The following SPAG17 variants were observed in gnomAD, a reference collection of about 807,000 sequenced individuals.
The protein encoded by SPAG17 is sperm associated antigen 17.
In SPAG17, 169 loss-of-function variants were observed where a neutral mutation model predicts 273.6. The observed-to-expected ratio is 0.62, with a 90% CI of 0.55 to 0.70. The LOEUF is 0.70. Ranked by LOEUF, SPAG17 falls within the 30% of genes least tolerant of loss-of-function variation. SPAG17 has a pLI of 0.00. For missense variants in SPAG17, 2,557 were observed against 2,627.8 expected, an observed-to-expected ratio of 0.97 and a Z score of 0.59; for synonymous variants, 825 against 873.2, an observed-to-expected ratio of 0.94 and a Z score of 0.97.
chr1:117,994,283 C>T (rs1657418189), intron 35 of SPAG17, 123 bp downstream of exon 35: 2 of 1,047,526 alleles, frequency 1.9e-6, no homozygotes, highest in African/African-American at 1.6e-5. Context: ...TCCTTGAGCA[C>T]ATTAAAAATT....
chr1:118,145,727 T>C (rs565810876), intron 3 of SPAG17, among the ~76,000 whole-genome samples: 2 of 151,922 alleles, frequency 1.3e-5, no homozygotes, highest in Non-Finnish European at 2.9e-5. Flanking sequence ...AAAAAAAAAA[T>C]TAATAATTAT....
intron 4 of SPAG17, among the ~76,000 whole-genome samples, chr1:118,102,893 T>A (rs985856503): frequency 6.6e-5 from 10 of 152,230 alleles, no homozygotes; most frequent in African/African-American, 2.4e-4. Context: ...TTCTGGATGT[T>A]AAGGGCTCTT....
At chr1:118,027,234 C>T (rs1044721789) in intron 26 of SPAG17, among the ~76,000 whole-genome samples, 1 of 152,068 alleles carries the variant, frequency 6.6e-6, no homozygotes, top group Non-Finnish European at 1.5e-5. Flanking sequence ...ACTAGGGATG[C>T]TTGGGAAGGG....
chr1:118,156,438 T>C (rs1659653706), intron 1 of SPAG17, among the ~76,000 whole-genome samples: 1 of 152,170 alleles, frequency 6.6e-6, no homozygotes, highest in Non-Finnish European at 1.5e-5. Flanking sequence ...AACTGCAGGG[T>C]ATTCAGTCCA....
intron 12 of SPAG17, among the ~76,000 whole-genome samples, chr1:118,086,407 A>G (rs1196818335): frequency 6.6e-6 from 1 of 152,194 alleles, no homozygotes; most frequent in Non-Finnish European, 1.5e-5. Context: ...AATAATTATA[A>G]GGTTTTAATG....
chr1:117,992,641 GT>G lies in SPAG17; in HGVS notation c.5185del (p.Thr1729LeufsTer21), dbSNP rs1400383672. The G allele has an allele frequency of 6.3e-7, 1 of 1,585,270 alleles. No homozygotes were observed. Among genetic ancestry groups the G allele is most frequent in the Non-Finnish European group, 8.5e-7 (1 of 1,170,412 alleles). ...CTGAGTACCAAACGGAGGTCCTGGA[GT>G]TTTTTTCTGTTAACAAAACAAAGCA... ...WETFPSVEKK[T>X]PGPPFGTQIW... On this transcript the variant is annotated frameshift_variant, in exon 36 of 49. Transcript: ENST00000336338. LOFTEE classifies it high-confidence loss of function.
chr1:118,003,240 C>T (rs1161237979), intron 32 of SPAG17, among the ~76,000 whole-genome samples: 1 of 152,196 alleles, frequency 6.6e-6, no homozygotes, highest in Non-Finnish European at 1.5e-5. Flanking sequence ...CGACCTTTCT[C>T]TCTGGCTGCC....
intron 18 of SPAG17, among the ~76,000 whole-genome samples, chr1:118,062,691 G>C (rs1652467632): frequency 6.6e-6 from 1 of 151,836 alleles, no homozygotes; most frequent in African/African-American, 2.4e-5. Flanking sequence ...TTTTAAAAAT[G>C]TTTTTTCCCA....
Position 118,054,052 on chromosome 1 carries a change from T to C in SPAG17, c.2764A>G (p.Lys922Glu). The part of the protein sequence containing the change: ...ISKTEISDQE[K>E]EKEKEKIPFI... Reference sequence around the variant, plus strand: ...GGAATCTTTTCCTTCTCTTTTTCTTTTTCTTGATCTGATATCTCTGTTTTG... The same window carrying C: ...GGAATCTTTTCCTTCTCTTTTTCTTCTTCTTGATCTGATATCTCTGTTTTG... The change falls in exon 20 of 49, where the codon AAA becomes GAA. Residue 922 changes from lysine (K) to glutamate (E), a missense_variant. Coordinates refer to ENST00000336338, the MANE Select transcript of SPAG17 (RefSeq NM_206996.4). 1 of 1,608,468 alleles carries C rather than the reference T, an allele frequency of 6.2e-7. No individual in the cohort carries two copies. Among genetic ancestry groups the C allele is most frequent in the Non-Finnish European group, 8.5e-7 (1 of 1,177,360 alleles).
chr1:118,039,550 A>T, intron 22 of SPAG17, 106 bp from the exon 23 acceptor site: 1 of 1,140,216 alleles, frequency 8.8e-7, no homozygotes, highest in Non-Finnish European at 1.3e-6. Flanking sequence ...CACGAACAGA[A>T]AACCAAACAC....
chr1:118,027,945 C>T (rs780207715), intron 26 of SPAG17, among the ~76,000 whole-genome samples: 2 of 152,198 alleles, frequency 1.3e-5, no homozygotes, highest in Non-Finnish European at 2.9e-5. Flanking sequence ...AGAGCACTGG[C>T]TTTGTCATCA....
At position 118,142,387 on chromosome 1, in the gene SPAG17, T is replaced by A. The variant is rs80218028; in HGVS notation, c.315+8156A>T. On this transcript the variant is annotated intron_variant, in intron 3 of 48. Transcript: ENST00000336338. ...TCAGTTTTGCAAGATGAAAAAGTTGTGAACGTTGGTTGCACAACAAAGTGA... is the reference window on the plus strand; with the variant it reads ...TCAGTTTTGCAAGATGAAAAAGTTGAGAACGTTGGTTGCACAACAAAGTGA... Among the ~76,000 whole-genome samples the A allele has an allele frequency of 6.2e-3, 939 of 152,286 alleles. 9 individuals carry two copies. Among genetic ancestry groups the A allele is most frequent in the African/African-American group, 0.022 (904 of 41,544 alleles).
chr1:117,971,566 TC>T (rs961674764), intron 45 of SPAG17, among the ~76,000 whole-genome samples: 1 of 152,144 alleles, frequency 6.6e-6, no homozygotes, highest in African/African-American at 2.4e-5. Context: ...TTGTACAACC[TC>T]CCCCTTTTTT....
chr1:118,028,163 T>G, intron 26 of SPAG17, 111 bp downstream of exon 26: 1 of 1,270,306 alleles, frequency 7.9e-7, no homozygotes, highest in East Asian at 2.3e-5. Context: ...AACAGTCTAT[T>G]GTTCATTATC....
chr1:118,104,907 G>A (rs1656292563), intron 4 of SPAG17, among the ~76,000 whole-genome samples: 1 of 152,124 alleles, frequency 6.6e-6, no homozygotes, highest in Non-Finnish European at 1.5e-5. Flanking sequence ...GGGGGTATGA[G>A]GTCAAGGTAT....
intron 1 of SPAG17, among the ~76,000 whole-genome samples, chr1:118,177,394 C>T (rs1367101498): frequency 6.6e-6 from 1 of 152,068 alleles, no homozygotes; most frequent in African/African-American, 2.4e-5. Context: ...TGGGGAAAAC[C>T]ACCCCTATGA....
intron 30 of SPAG17, among the ~76,000 whole-genome samples, chr1:118,009,151 A>AT (rs1410713991): frequency 6.6e-6 from 1 of 152,022 alleles, no homozygotes; most frequent in Non-Finnish European, 1.5e-5. Flanking sequence ...TGTAAGATGA[A>AT]TAAGTATAAG....
intron 44 of SPAG17, among the ~76,000 whole-genome samples, chr1:117,973,176 G>A (rs898728213): frequency 6.6e-6 from 1 of 152,224 alleles, no homozygotes; most frequent in Non-Finnish European, 1.5e-5. Context: ...ATTTCTCCCA[G>A]CAGCCTGTAT....
intron 18 of SPAG17, among the ~76,000 whole-genome samples, chr1:118,060,256 G>A (rs1228951354): frequency 6.6e-6 from 1 of 151,828 alleles, no homozygotes; most frequent in East Asian, 1.9e-4. Flanking sequence ...TCCATTTTAA[G>A]CTGATAAAAC....
Sources: allele counts gnomAD v4.1 joint callset (sites outside exome capture counted in the v4.1 genomes callset), GRCh38; gene constraint gnomAD v4.1.1; transcripts MANE v1.5; gene names NCBI Gene and HGNC (gene_info 2026-07-23, HGNC 2026-07-21).